The following PUDP variants were observed in gnomAD, a reference collection of about 807,000 sequenced individuals.
PUDP encodes the protein pseudouridine 5'-phosphatase.
PUDP carries 8 observed loss-of-function variants against 9.4 expected under a neutral mutation model. The ratio of observed to expected loss-of-function variants is 0.85; its 90% CI spans 0.50 to 1.53. The LOEUF is 1.53. PUDP is among the 40% of genes most tolerant of loss of function. The probability of loss-of-function intolerance (pLI) is 0.00; values close to 1 mark genes in which losing one functional copy is unlikely to be tolerated. For missense variants in PUDP, 188 were observed against 189.7 expected (o/e 0.99, Z 0.05); for synonymous variants, 99 against 80.7 (o/e 1.23, Z -1.22).
chrX:7,051,035 T>C (rs1371414311), intron 3 of PUDP, among the ~76,000 whole-genome samples: 3 of 111,452 alleles, frequency 2.7e-5, no homozygotes, highest in Non-Finnish European at 5.6e-5. Flanking sequence ...ATCCACTTTA[T>C]TATTGGGATT....
chrX:6,838,133 G>C (rs765519926), intron 3 of PUDP, among the ~76,000 whole-genome samples: 1 of 112,170 alleles, frequency 8.9e-6, no homozygotes, highest in Non-Finnish European at 1.9e-5. Flanking sequence ...TATCCCCCTC[G>C]CCAGTGAGGA....
chrX:6,796,963 G>A (rs768939198), intron 3 of PUDP, among the ~76,000 whole-genome samples: 5 of 111,900 alleles, frequency 4.5e-5, no homozygotes, highest in East Asian at 2.8e-4. Flanking sequence ...TTTCTGATGC[G>A]TCTGACAGAA....
Position 6,880,194 on chromosome X carries a change from C to T in PUDP, c.*247+96939G>A, listed in dbSNP as rs749462198. Among the ~76,000 whole-genome samples the T allele has an allele frequency of 1.7e-3, 185 of 109,400 alleles. 1 individual carries two copies. Among genetic ancestry groups the T allele is most frequent in the African/African-American group, 5.7e-3 (170 of 30,053 alleles). Reference sequence around the variant, plus strand: ...AGCGGTGATTTCTGAGATTTTGGTGCACCCATCACCCGAGCAGTGTACACT... The same window carrying T: ...AGCGGTGATTTCTGAGATTTTGGTGTACCCATCACCCGAGCAGTGTACACT... On this transcript the variant is annotated intron_variant and NMD_transcript_variant, in intron 3 of 3. Coordinates refer to the PUDP transcript ENST00000655425.
intron 1 of PUDP, among the ~76,000 whole-genome samples, chrX:7,023,162 T>C (rs1176078975): frequency 8.9e-6 from 1 of 111,809 alleles, no homozygotes; most frequent in Non-Finnish European, 1.9e-5. Flanking sequence ...CTGCTCTGAA[T>C]CTCCCTAATG....
intron 3 of PUDP, among the ~76,000 whole-genome samples, chrX:6,843,569 T>C (rs1926702786): frequency 8.9e-6 from 1 of 111,736 alleles, no homozygotes; most frequent in African/African-American, 3.3e-5. Context: ...TCTGTCTATA[T>C]TAAAAAATGT....
intron 3 of PUDP, among the ~76,000 whole-genome samples, chrX:6,964,616 G>C (rs1162578716): frequency 9.0e-6 from 1 of 111,139 alleles, no homozygotes; most frequent in Non-Finnish European, 1.9e-5. Context: ...TGAGGCTGCA[G>C]TGAGCAGTGA....
chrX:6,734,110 G>A (rs1030869019), intron 3 of PUDP, among the ~76,000 whole-genome samples: 1 of 110,837 alleles, frequency 9.0e-6, no homozygotes, highest in African/African-American at 3.3e-5. Context: ...AGCTGTTTCC[G>A]CCTTGACAGG....
chrX:7,033,971 G>T (rs1305372399), intron 1 of PUDP, among the ~76,000 whole-genome samples: 1 of 112,325 alleles, frequency 8.9e-6, no homozygotes. Flanking sequence ...AGATGGTACT[G>T]AAGCAGCAGT....
chrX:7,056,491 G>A (rs1316073703), intron 3 of PUDP, among the ~76,000 whole-genome samples: 3 of 111,829 alleles, frequency 2.7e-5, no homozygotes, highest in Non-Finnish European at 5.6e-5. Flanking sequence ...TATTCTATAT[G>A]ATTTTAATTA....
At chrX:7,093,040 T>A (rs1396184908) in intron 2 of PUDP, among the ~76,000 whole-genome samples, 1 of 112,459 alleles carries the variant, frequency 8.9e-6, no homozygotes, top group East Asian at 2.8e-4. Context: ...GATTTCTCAG[T>A]GTACAATTCT....
intron 3 of PUDP, among the ~76,000 whole-genome samples, chrX:6,831,999 A>C (rs1475717633): frequency 8.9e-6 from 1 of 111,982 alleles, no homozygotes; most frequent in Non-Finnish European, 1.9e-5. Flanking sequence ...TCCCACCTAA[A>C]CAGACAAAGA....
intron 1 of PUDP, among the ~76,000 whole-genome samples, chrX:6,995,529 GC>G (rs1929238763): frequency 9.0e-6 from 1 of 110,500 alleles, no homozygotes; most frequent in African/African-American, 3.3e-5. Context: ...TTCGAGACCA[GC>G]CTGGGCAACA....
intron 3 of PUDP, among the ~76,000 whole-genome samples, chrX:6,754,194 C>T (rs983828113): frequency 6.3e-5 from 7 of 111,354 alleles, no homozygotes; most frequent in African/African-American, 9.8e-5. Context: ...ATCATGGGGG[C>T]GGTTACCTCC....
At chrX:6,987,019 C>T (rs778205772) in intron 1 of PUDP, among the ~76,000 whole-genome samples, 3 of 111,641 alleles carry the variant, frequency 2.7e-5, no homozygotes, top group Admixed American at 9.5e-5. Flanking sequence ...ACCATCCAGC[C>T]GAAATAAAAG....
At chrX:6,894,829 T>C (rs749886123) in intron 3 of PUDP, among the ~76,000 whole-genome samples, 3 of 111,777 alleles carry the variant, frequency 2.7e-5, no homozygotes, top group African/African-American at 9.7e-5. Flanking sequence ...AAAGGATGCA[T>C]GGGTTTCTTT....
intron 3 of PUDP, among the ~76,000 whole-genome samples, chrX:6,852,963 G>A (rs2146723424): frequency 9.0e-6 from 1 of 111,553 alleles, no homozygotes; most frequent in South Asian, 3.8e-4. Context: ...GCTTTTATAG[G>A]AAACTGATGA....
intron 1 of PUDP, among the ~76,000 whole-genome samples, chrX:7,001,547 A>T (rs746711676): frequency 5.4e-5 from 6 of 111,610 alleles, no homozygotes; most frequent in Non-Finnish European, 1.1e-4. Context: ...TGGTGGTTAA[A>T]CCCATGTAGA....
chrX:6,809,907 C>CA (rs1185004948), intron 3 of PUDP, among the ~76,000 whole-genome samples: 1 of 109,988 alleles, frequency 9.1e-6, no homozygotes, highest in Non-Finnish European at 1.9e-5. Context: ...CCAGTCTCTA[C>CA]AAAAAATAAA....
intron 3 of PUDP, among the ~76,000 whole-genome samples, chrX:6,790,762 G>A (rs1288523901): frequency 8.9e-6 from 1 of 112,071 alleles, no homozygotes; most frequent in Non-Finnish European, 1.9e-5. Context: ...TAACAGGTGG[G>A]GCACAATGAT....
Sources: allele counts gnomAD v4.1 joint callset (sites outside exome capture counted in the v4.1 genomes callset), GRCh38; gene constraint gnomAD v4.1.1; transcripts MANE v1.5; gene names NCBI Gene and HGNC (gene_info 2026-07-23, HGNC 2026-07-21).